HS3ST4: variants seen among roughly 807,000 people sequenced by gnomAD.
HS3ST4 encodes the protein heparan sulfate-glucosamine 3-sulfotransferase 4, also known as heparan sulfate glucosamine 3-O-sulfotransferase 4.
Under a neutral mutation model 29.2 loss-of-function variants are expected in HS3ST4, and 17 were observed. The observed-to-expected ratio is 0.58, with a 90% CI of 0.40 to 0.87. The LOEUF is 0.87. Among genes scored for constraint, HS3ST4 ranks in the 40% least tolerant of loss-of-function variants. The probability of loss-of-function intolerance (pLI) is 0.00; values close to 1 mark genes in which losing one functional copy is unlikely to be tolerated. For synonymous variants in HS3ST4, 314 were observed against 285.7 expected, an observed-to-expected ratio of 1.10 and a Z score of -1.00; for missense variants, 627 against 634.5, an observed-to-expected ratio of 0.99 and a Z score of 0.13.
intron 1 of HS3ST4, among the ~76,000 whole-genome samples, chr16:25,871,163 C>T (rs886965767): frequency 2.0e-5 from 3 of 152,040 alleles, no homozygotes; most frequent in East Asian, 1.9e-4. Context: ...AAAAAGGCAG[C>T]GGGGTGATGG....
chr16:25,910,681 T>C (rs923713891), intron 1 of HS3ST4, among the ~76,000 whole-genome samples: 1 of 152,062 alleles, frequency 6.6e-6, no homozygotes, highest in Non-Finnish European at 1.5e-5. Flanking sequence ...AAAACAAGTT[T>C]ATGCAAGCGG....
intron 1 of HS3ST4, among the ~76,000 whole-genome samples, chr16:26,122,027 G>T (rs1395052837): frequency 6.6e-6 from 1 of 152,130 alleles, no homozygotes; most frequent in Non-Finnish European, 1.5e-5. Context: ...AGTAGAAGGA[G>T]AGTTGCCAGG....
At chr16:25,778,523 C>T (rs1005276835) in intron 1 of HS3ST4, among the ~76,000 whole-genome samples, 1 of 152,184 alleles carries the variant, frequency 6.6e-6, no homozygotes, top group Admixed American at 6.5e-5. Flanking sequence ...CAATGGTGCA[C>T]ATTTGTTTGG....
chr16:25,922,216 G>T (rs1011542617), intron 1 of HS3ST4, among the ~76,000 whole-genome samples: 17 of 152,154 alleles, frequency 1.1e-4, no homozygotes, highest in Non-Finnish European at 2.5e-4. Context: ...TCTATAGGTT[G>T]AAACCTAATC....
Position 25,692,802 on chromosome 16 carries a change from C to T in HS3ST4, c.385C>T (p.Pro129Ser). The T allele has an allele frequency of 7.2e-7, 1 of 1,381,332 alleles. No homozygotes were observed. Among genetic ancestry groups the T allele is most frequent in the Non-Finnish European group, 9.3e-7 (1 of 1,077,142 alleles). The allele number at this position is 1,381,332 out of a possible 1,614,324, so 85.6% of individuals were successfully genotyped here. The change falls in exon 1 of 2, where the codon CCG (proline) becomes TCG (serine). Residue 129 changes from proline (P) to serine (S), a missense_variant. Pro to Ser is a moderately conservative substitution (Grantham distance 74). Coordinates refer to ENST00000331351, the MANE Select transcript of HS3ST4 (RefSeq NM_006040.3). ...CCCCGGGACCGACGGCTGGGGGCTG[C>T]CGAGCGGCGGCGGAGGCGCCCAGGA... ...AAPGTDGWGLPSGGGGAQDAW... is the reference protein window; with the variant it reads ...AAPGTDGWGLSSGGGGAQDAW...
chr16:26,076,307 G>A (rs1898663862), intron 1 of HS3ST4, among the ~76,000 whole-genome samples: 1 of 152,198 alleles, frequency 6.6e-6, no homozygotes, highest in Non-Finnish European at 1.5e-5. Flanking sequence ...CTAAAGCAGT[G>A]ACTTTGAGTG....
At chr16:25,797,966 A>G (rs1170332059) in intron 1 of HS3ST4, among the ~76,000 whole-genome samples, 1 of 152,220 alleles carries the variant, frequency 6.6e-6, no homozygotes, top group African/African-American at 2.4e-5. Context: ...TATCACATGC[A>G]TGGCAGAGGC....
chr16:25,692,509 C>T lies in HS3ST4; in HGVS notation c.92C>T (p.Pro31Leu), dbSNP rs1346216341. The T allele has an allele frequency of 9.2e-6, 13 of 1,419,198 alleles. No individual in the cohort carries two copies. The South Asian group carries it at 9.5e-5, about 10-fold the overall frequency. The allele number at this position is 1,419,198 out of a possible 1,614,324, so 87.9% of individuals were successfully genotyped here. ...PPPGASAKGP[P>L]ARKLLFMCTL... ...CCCGGCGCCTCTGCTAAGGGGCCGC[C>T]GGCGCGCAAGCTGCTTTTTATGTGC... Residue 31 changes from proline (P) to leucine (L), a missense_variant, in exon 1 of 2, where the codon CCG becomes CTG. Coordinates refer to ENST00000331351, the MANE Select transcript of HS3ST4 (RefSeq NM_006040.3).
At chr16:26,132,830 C>A (rs1287710188) in intron 1 of HS3ST4, among the ~76,000 whole-genome samples, 1 of 151,914 alleles carries the variant, frequency 6.6e-6, no homozygotes, top group Non-Finnish European at 1.5e-5. Flanking sequence ...TGGAAAAGGC[C>A]GTATAAAAAT....
intron 1 of HS3ST4, among the ~76,000 whole-genome samples, chr16:25,715,076 A>G (rs1290600064): frequency 6.6e-6 from 1 of 151,916 alleles, no homozygotes; most frequent in African/African-American, 2.4e-5. Flanking sequence ...TAATCCCAGC[A>G]CTTTGGGAGG....
At chr16:26,065,446 G>A (rs1310942831) in intron 1 of HS3ST4, among the ~76,000 whole-genome samples, 2 of 152,156 alleles carry the variant, frequency 1.3e-5, no homozygotes, top group Non-Finnish European at 2.9e-5. Flanking sequence ...CACGCAGAGG[G>A]GAATGACACA....
intron 1 of HS3ST4, among the ~76,000 whole-genome samples, chr16:26,029,822 T>G (rs1383361571): frequency 6.6e-6 from 1 of 152,238 alleles, no homozygotes. Flanking sequence ...TTCCTGGTCA[T>G]TCACCACCAT....
intron 1 of HS3ST4, among the ~76,000 whole-genome samples, chr16:25,775,004 C>T (rs1966846279): frequency 6.6e-6 from 1 of 152,204 alleles, no homozygotes; most frequent in South Asian, 2.1e-4. Context: ...TCTCTGTTAG[C>T]ATTGACTAAA....
chr16:25,778,522 A>C (rs1966849753), intron 1 of HS3ST4, among the ~76,000 whole-genome samples: 2 of 152,330 alleles, frequency 1.3e-5, no homozygotes, highest in South Asian at 4.1e-4. Context: ...GCAATGGTGC[A>C]CATTTGTTTG....
At chr16:25,991,878 G>A (rs1010279141) in intron 1 of HS3ST4, among the ~76,000 whole-genome samples, 20 of 152,080 alleles carry the variant, frequency 1.3e-4, no homozygotes, top group South Asian at 8.3e-4. Context: ...AAAATTAGCC[G>A]GGCGTGGTGG....
intron 1 of HS3ST4, among the ~76,000 whole-genome samples, chr16:25,965,326 A>G (rs1251383849): frequency 6.6e-6 from 1 of 151,774 alleles, no homozygotes; most frequent in Non-Finnish European, 1.5e-5. Flanking sequence ...CAGGAGAATC[A>G]ATTGAACCTG....
intron 1 of HS3ST4, among the ~76,000 whole-genome samples, chr16:25,924,662 C>T (rs1206297655): frequency 1.3e-5 from 2 of 152,240 alleles, no homozygotes; most frequent in African/African-American, 4.8e-5. Context: ...CTACCTGCCT[C>T]TCCTGGCTTG....
At chr16:26,052,048 G>T (rs1221643810) in intron 1 of HS3ST4, among the ~76,000 whole-genome samples, 1 of 151,784 alleles carries the variant, frequency 6.6e-6, no homozygotes, top group Non-Finnish European at 1.5e-5. Context: ...TGACCTGCTG[G>T]GTAAACTAAT....
chr16:25,871,844 A>G (rs1452773924), intron 1 of HS3ST4, among the ~76,000 whole-genome samples: 1 of 152,070 alleles, frequency 6.6e-6, no homozygotes, highest in Non-Finnish European at 1.5e-5. Context: ...TCAGAATGCC[A>G]TTTTCTACTG....
Sources: allele counts gnomAD v4.1 joint callset (sites outside exome capture counted in the v4.1 genomes callset), GRCh38; gene constraint gnomAD v4.1.1; transcripts MANE v1.5; gene names NCBI Gene and HGNC (gene_info 2026-07-23, HGNC 2026-07-21).